PTPN14: variants seen among roughly 807,000 people sequenced by gnomAD.
PTPN14 encodes protein tyrosine phosphatase non-receptor type 14.
PTPN14 carries 53 observed loss-of-function variants against 126.8 expected under a neutral mutation model. The ratio of observed to expected loss-of-function variants is 0.42; its 90% CI spans 0.34 to 0.53. The LOEUF (loss-of-function observed/expected upper bound fraction) is 0.53, where lower values mean the gene tolerates loss of function less well. Among genes scored for constraint, PTPN14 ranks in the 20% least tolerant of loss-of-function variants. The probability of loss-of-function intolerance (pLI) is 0.08; values close to 1 mark genes in which losing one functional copy is unlikely to be tolerated. For missense variants in PTPN14, 1,257 were observed against 1,552.9 expected (o/e 0.81, Z 3.20); for synonymous variants, 630 against 599.3 (o/e 1.05, Z -0.75).
chr1:214,366,410 G>C (rs528123848), intron 17 of PTPN14, among the ~76,000 whole-genome samples: 1 of 152,316 alleles, frequency 6.6e-6, no homozygotes, highest in African/African-American at 2.4e-5. Flanking sequence ...AAGGAATGTT[G>C]GGTAATACGG....
At chr1:214,536,172 G>C (rs1655699735) in intron 1 of PTPN14, among the ~76,000 whole-genome samples, 1 of 151,842 alleles carries the variant, frequency 6.6e-6, no homozygotes, top group East Asian at 1.9e-4. Context: ...GGGGTGGGGT[G>C]GGGGTGGGGG....
chr1:214,391,385 G>A (rs61821382), intron 10 of PTPN14, among the ~76,000 whole-genome samples: 36,574 of 151,540 alleles, frequency 0.24, 4,714 homozygotes, highest in South Asian at 0.34. Flanking sequence ...TCTTTCTACT[G>A]TTGTATATAT....
At chr1:214,510,036 A>C (rs757495311) in intron 1 of PTPN14, among the ~76,000 whole-genome samples, 6 of 152,126 alleles carry the variant, frequency 3.9e-5, no homozygotes, top group Non-Finnish European at 8.8e-5. Flanking sequence ...CACTAAATTT[A>C]ATCATTTCTA....
chr1:214,444,333 T>C (rs1242522465), intron 3 of PTPN14, among the ~76,000 whole-genome samples: 4 of 152,240 alleles, frequency 2.6e-5, no homozygotes, highest in Non-Finnish European at 5.9e-5. Context: ...ATTCACTAGC[T>C]GGAGCTGGCC....
intron 1 of PTPN14, chr1:214,532,409 C>T (rs537191434): frequency 5.7e-6 from 4 of 705,546 alleles, no homozygotes; most frequent in Non-Finnish European, 1.0e-5. Flanking sequence ...GAATAGGAGG[C>T]ATCCAGAACG....
chr1:214,508,775 G>A (rs764112419), intron 1 of PTPN14, among the ~76,000 whole-genome samples: 7 of 152,302 alleles, frequency 4.6e-5, no homozygotes, highest in South Asian at 2.1e-4. Flanking sequence ...CTTGAAAGTC[G>A]AAATTACTCC....
intron 3 of PTPN14, among the ~76,000 whole-genome samples, chr1:214,431,112 C>T (rs974494376): frequency 5.3e-5 from 8 of 152,108 alleles, no homozygotes; most frequent in African/African-American, 9.7e-5. Flanking sequence ...AGACATTGAA[C>T]GGCACAGACA....
At chr1:214,476,198 ACT>A (rs1421683191) in intron 1 of PTPN14, among the ~76,000 whole-genome samples, 1 of 152,122 alleles carries the variant, frequency 6.6e-6, no homozygotes, top group Non-Finnish European at 1.5e-5. Context: ...CTACTGTACC[ACT>A]GTGTTGTGGA....
intron 3 of PTPN14, among the ~76,000 whole-genome samples, chr1:214,419,609 T>C (rs74139869): frequency 0.015 from 2,250 of 152,256 alleles, 52 homozygotes; most frequent in African/African-American, 0.051. Context: ...AAGTGCAGCA[T>C]GTACCAAAGT....
rs113382577 is a variant in PTPN14 at position 214,466,271 on chromosome 1, C to CT, written c.-154-1315dup. ...GCCAACGCACCCGGCCAGTTACTTC[C>CT]TTTTTTTTTTTTCTTTAATGGAAAG... On this transcript the variant is annotated intron_variant, in intron 1 of 18. Coordinates refer to ENST00000366956, the MANE Select transcript of PTPN14 (RefSeq NM_005401.5). Among the ~76,000 whole-genome samples, 170 of 146,752 alleles carry CT rather than the reference C, an allele frequency of 1.2e-3. 1 individual carries two copies. The highest frequency in any genetic ancestry group is 6.7e-3 in the South Asian group (31 of 4,596).
At chr1:214,432,613 G>C (rs2102609031) in intron 3 of PTPN14, among the ~76,000 whole-genome samples, 1 of 152,216 alleles carries the variant, frequency 6.6e-6, no homozygotes, top group East Asian at 1.9e-4. Context: ...TCCTTTGATA[G>C]AATATTAAGC....
chr1:214,393,876 C>A, intron 9 of PTPN14, 99 bp from the exon 10 acceptor site: 5 of 960,684 alleles, frequency 5.2e-6, no homozygotes, highest in Non-Finnish European at 8.1e-6. Flanking sequence ...CCCTTCCAAC[C>A]TTCATCTCAA....
intron 1 of PTPN14, among the ~76,000 whole-genome samples, chr1:214,479,136 AG>A (rs34395551): frequency 6.6e-6 from 1 of 152,076 alleles, no homozygotes; most frequent in Non-Finnish European, 1.5e-5. Context: ...ACTAGAGTCC[AG>A]GAGTTTGTGA....
chr1:214,498,105 T>C (rs942352604), intron 1 of PTPN14, among the ~76,000 whole-genome samples: 1 of 152,346 alleles, frequency 6.6e-6, no homozygotes. Flanking sequence ...CTTAAAATAT[T>C]ATAACAAAGT....
At chr1:214,444,237 C>T (rs1660095248) in intron 3 of PTPN14, among the ~76,000 whole-genome samples, 1 of 152,190 alleles carries the variant, frequency 6.6e-6, no homozygotes, top group African/African-American at 2.4e-5. Context: ...GATTAGATCC[C>T]AATGTCAACT....
At chr1:214,500,455 C>A (rs1654654883) in intron 1 of PTPN14, among the ~76,000 whole-genome samples, 2 of 152,168 alleles carry the variant, frequency 1.3e-5, no homozygotes, top group African/African-American at 4.8e-5. Context: ...ATAATCAGAT[C>A]CATCTTTCCG....
chr1:214,372,911 T>C, intron 15 of PTPN14, 72 bp from the exon 16 acceptor site: 1 of 1,585,254 alleles, frequency 6.3e-7, no homozygotes, highest in Non-Finnish European at 8.6e-7. Flanking sequence ...CACCTGTCCA[T>C]CTGTATCCAC....
intron 1 of PTPN14, among the ~76,000 whole-genome samples, chr1:214,489,147 G>A (rs1661177610): frequency 6.6e-6 from 1 of 152,168 alleles, no homozygotes. Context: ...AAAGGACTGA[G>A]CATTTATGAT....
At chr1:214,481,227 CG>C (rs1660977570) in intron 1 of PTPN14, among the ~76,000 whole-genome samples, 1 of 152,082 alleles carries the variant, frequency 6.6e-6, no homozygotes, top group African/African-American at 2.4e-5. Context: ...TAAAAACTGC[CG>C]GGCGCAGTGG....
Sources: gnomAD v4.1 joint callset for allele counts (sites outside exome capture counted in the v4.1 genomes callset) on GRCh38, gnomAD v4.1.1 for gene constraint, MANE v1.5 for transcripts, NCBI Gene and HGNC (gene_info 2026-07-23, HGNC 2026-07-21) for gene names.